CDH13: variants seen among roughly 807,000 people sequenced by gnomAD.
CDH13 encodes the protein cadherin-13.
A neutral mutation model predicts 63.8 loss-of-function variants in CDH13; 24 were observed. The observed-to-expected ratio is 0.38, with a 90% confidence interval of 0.27 to 0.53. The LOEUF (loss-of-function observed/expected upper bound fraction) is 0.53, where lower values mean the gene tolerates loss of function less well. Among genes scored for constraint, CDH13 ranks in the 20% least tolerant of loss-of-function variants. The probability of loss-of-function intolerance (pLI) is 0.85; values close to 1 mark genes in which losing one functional copy is unlikely to be tolerated. For missense variants in CDH13, 1,049 were observed against 903.1 expected, an observed-to-expected ratio of 1.16 and a Z score of -2.07; for synonymous variants, 503 against 355.3, an observed-to-expected ratio of 1.42 and a Z score of -4.67.
intron 3 of CDH13, among the ~76,000 whole-genome samples, chr16:83,069,862 C>G (rs1055717384): frequency 4.6e-5 from 7 of 152,166 alleles, no homozygotes; most frequent in African/African-American, 1.2e-4. Flanking sequence ...TAGAGGAAAA[C>G]AAACCATTTG....
intron 1 of CDH13, among the ~76,000 whole-genome samples, chr16:82,730,927 G>T (rs1372640179): frequency 6.6e-6 from 1 of 151,932 alleles, no homozygotes; most frequent in Non-Finnish European, 1.5e-5. Flanking sequence ...TTAAAAGAAG[G>T]GTAATATGGG....
chr16:83,248,927 A>G (rs1182468542), intron 5 of CDH13, among the ~76,000 whole-genome samples: 3 of 152,174 alleles, frequency 2.0e-5, no homozygotes, highest in Non-Finnish European at 2.9e-5. Context: ...ACTGAACTCA[A>G]CACTTAACTC....
chr16:83,344,203 A>G (rs968884972), intron 5 of CDH13, among the ~76,000 whole-genome samples: 2 of 152,218 alleles, frequency 1.3e-5, no homozygotes, highest in South Asian at 2.1e-4. Context: ...CCATGACATA[A>G]TTCTTCGTTT....
At chr16:83,163,593 C>T (rs1567464893) in intron 4 of CDH13, among the ~76,000 whole-genome samples, 1 of 152,046 alleles carries the variant, frequency 6.6e-6, no homozygotes, top group Non-Finnish European at 1.5e-5. Context: ...TTTTCTATTG[C>T]CTTTGCAGTC....
intron 6 of CDH13, among the ~76,000 whole-genome samples, chr16:83,470,801 G>T (rs1335866837): frequency 2.0e-5 from 3 of 152,192 alleles, no homozygotes; most frequent in Admixed American, 6.5e-5. Flanking sequence ...TTTTGTGGCT[G>T]TGATGAATTG....
chr16:83,035,449 C>T (rs1280828842), intron 3 of CDH13, among the ~76,000 whole-genome samples: 1 of 152,176 alleles, frequency 6.6e-6, no homozygotes, highest in African/African-American at 2.4e-5. Context: ...ACTCACGTAA[C>T]CTCCTTAGCA....
intron 8 of CDH13, among the ~76,000 whole-genome samples, chr16:83,618,162 T>C (rs1184614208): frequency 6.6e-6 from 1 of 151,560 alleles, no homozygotes; most frequent in Non-Finnish European, 1.5e-5. Context: ...TGGTGGCTCA[T>C]GCCTGTAATA....
intron 7 of CDH13, among the ~76,000 whole-genome samples, chr16:83,527,927 A>G (rs964874457): frequency 2.6e-5 from 4 of 152,228 alleles, no homozygotes; most frequent in African/African-American, 7.2e-5. Context: ...ACTTCAAACA[A>G]TATTAGAGCC....
At chr16:83,644,018 G>A (rs897469301) in intron 8 of CDH13, among the ~76,000 whole-genome samples, 4 of 152,198 alleles carry the variant, frequency 2.6e-5, no homozygotes, top group Non-Finnish European at 4.4e-5. Flanking sequence ...AAGCTGTAAC[G>A]AGGGCAGCTA....
intron 6 of CDH13, among the ~76,000 whole-genome samples, chr16:83,370,263 C>T (rs2091340207): frequency 6.6e-6 from 1 of 151,774 alleles, no homozygotes; most frequent in Non-Finnish European, 1.5e-5. Context: ...TGGCGGGCGG[C>T]TATAGTCGCA....
intron 1 of CDH13, among the ~76,000 whole-genome samples, chr16:82,697,618 C>G (rs144214930): frequency 6.6e-6 from 1 of 151,414 alleles, no homozygotes; most frequent in Non-Finnish European, 1.5e-5. Context: ...TTAGTAGAGA[C>G]GGGATTTCAC....
chr16:83,139,181 G>C (rs1197218217), intron 4 of CDH13, among the ~76,000 whole-genome samples: 2 of 152,160 alleles, frequency 1.3e-5, no homozygotes, highest in Non-Finnish European at 2.9e-5. Flanking sequence ...TGGGCGAACA[G>C]GTTATGTGGA....
chr16:82,853,555 G>A (rs941238843), intron 1 of CDH13, among the ~76,000 whole-genome samples: 1 of 152,188 alleles, frequency 6.6e-6, no homozygotes, highest in African/African-American at 2.4e-5. Flanking sequence ...AGACACAGAA[G>A]GTTACTTGCC....
intron 5 of CDH13, among the ~76,000 whole-genome samples, chr16:83,313,643 TAAAAA>T (rs59109363): frequency 3.3e-5 from 3 of 89,928 alleles, no homozygotes; most frequent in Non-Finnish European, 6.7e-5. Flanking sequence ...CTTACCATTG[TAAAAA>T]AAAAAAAAAA....
At chr16:83,689,692 C>G (rs570564008) in intron 10 of CDH13, among the ~76,000 whole-genome samples, 16 of 152,178 alleles carry the variant, frequency 1.1e-4, no homozygotes, top group Non-Finnish European at 2.1e-4. Flanking sequence ...AGGAATCTCA[C>G]TAGAAGATCC....
intron 2 of CDH13, among the ~76,000 whole-genome samples, chr16:83,026,885 C>G (rs956701694): frequency 6.6e-6 from 1 of 152,160 alleles, no homozygotes; most frequent in Admixed American, 6.6e-5. Context: ...CCACCTCTGA[C>G]TTCACCAATG....
intron 2 of CDH13, among the ~76,000 whole-genome samples, chr16:82,907,033 T>A (rs1396692982): frequency 6.6e-6 from 1 of 152,190 alleles, no homozygotes; most frequent in Non-Finnish European, 1.5e-5. Context: ...GGAGGCATCA[T>A]TTAACCCAGA....
intron 4 of CDH13, among the ~76,000 whole-genome samples, chr16:83,191,578 G>A (rs985111135): frequency 7.3e-6 from 1 of 137,542 alleles, no homozygotes; most frequent in East Asian, 2.2e-4. Flanking sequence ...TATATATGAA[G>A]GGGAGTTTAT....
intron 1 of CDH13, among the ~76,000 whole-genome samples, chr16:82,732,078 TG>T (rs1349047029): frequency 1.3e-5 from 2 of 152,218 alleles, no homozygotes; most frequent in African/African-American, 2.4e-5. Flanking sequence ...CTTCCCTTTA[TG>T]CACATTTTTC....
Sources: allele counts gnomAD v4.1 joint callset (sites outside exome capture counted in the v4.1 genomes callset), GRCh38; gene constraint gnomAD v4.1.1; transcripts MANE v1.5; gene names NCBI Gene and HGNC (gene_info 2026-07-23, HGNC 2026-07-21).